Variants in ATP13A4 observed in about 807,000 individuals in gnomAD.
The protein encoded by ATP13A4 is ATPase 13A4.
A neutral mutation model predicts 142.5 loss-of-function variants in ATP13A4; 114 were observed. The ratio of observed to expected loss-of-function variants is 0.80; its 90% CI spans 0.69 to 0.93. The LOEUF (loss-of-function observed/expected upper bound fraction) is 0.93. Ranked by LOEUF, ATP13A4 falls within the 40% of genes least tolerant of loss-of-function variation. The pLI, the probability that ATP13A4 is intolerant of heterozygous loss-of-function variation, is 0.00. For synonymous variants in ATP13A4, 488 were observed against 514.8 expected (o/e 0.95, Z 0.70); for missense variants, 1,392 against 1,454.0 (o/e 0.96, Z 0.69).
intron 1 of ATP13A4, chr3:193,553,430 T>A (rs1314542513): frequency 6.6e-6 from 1 of 152,164 alleles, no homozygotes; most frequent in African/African-American, 2.4e-5. Context: ...AAAAAAATGT[T>A]TCAGAGGAAG....
intron 2 of ATP13A4, among the ~76,000 whole-genome samples, chr3:193,514,330 C>T (rs908096500): frequency 3.3e-5 from 5 of 152,076 alleles, no homozygotes; most frequent in Non-Finnish European, 7.4e-5. Context: ...TGACAACATG[C>T]GGTATTTGAT....
At chr3:193,513,649 G>C (rs538736388) in intron 2 of ATP13A4, among the ~76,000 whole-genome samples, 1 of 152,222 alleles carries the variant, frequency 6.6e-6, no homozygotes, top group Non-Finnish European at 1.5e-5. Flanking sequence ...AGTGCCATGA[G>C]TGCTGCAAGG....
rs147771433 is a variant in ATP13A4 at position 193,407,276 on chromosome 3, A to T, written c.3378+37T>A. 2.3e-4 allele frequency: 354 copies of T among 1,555,162 alleles called. No homozygotes were observed. The African/African-American group carries it at 4.4e-3, about 19-fold the overall frequency. On this transcript the variant is annotated intron_variant, in intron 29 of 29. Coordinates refer to ENST00000342695, the MANE Select transcript of ATP13A4 (RefSeq NM_032279.4). ...AGTCCCCCTACACACATGCGTGCAC[A>T]CACACAAGATCAGCAGCCCAAGATC...
chr3:193,583,381 C>A (rs1040624193), intron 1 of ATP13A4, among the ~76,000 whole-genome samples: 8 of 151,540 alleles, frequency 5.3e-5, no homozygotes. Flanking sequence ...TGCAGTGAGC[C>A]GAGATCATGC....
At chr3:193,456,372 G>T (rs1175405525) in intron 16 of ATP13A4, among the ~76,000 whole-genome samples, 1 of 152,158 alleles carries the variant, frequency 6.6e-6, no homozygotes, top group Non-Finnish European at 1.5e-5. Flanking sequence ...GTAAAGGAAG[G>T]ATTCTGGGGC....
At chr3:193,411,713 G>A (rs987705184) in intron 27 of ATP13A4, among the ~76,000 whole-genome samples, 1 of 152,148 alleles carries the variant, frequency 6.6e-6, no homozygotes, top group Non-Finnish European at 1.5e-5. Context: ...TACTCTGGCC[G>A]AGAGCCTCCA....
chr3:193,483,437 A>C (rs1473789599), intron 8 of ATP13A4, among the ~76,000 whole-genome samples: 1 of 152,136 alleles, frequency 6.6e-6, no homozygotes, highest in Non-Finnish European at 1.5e-5. Flanking sequence ...ATTCCACCCC[A>C]ATAAAGTAGT....
At chr3:193,476,750 C>T (rs1023322616) in intron 8 of ATP13A4, among the ~76,000 whole-genome samples, 3 of 151,840 alleles carry the variant, frequency 2.0e-5, no homozygotes, top group African/African-American at 7.3e-5. Flanking sequence ...ACTGTTGGGT[C>T]ACAGGGAGTA....
At chr3:193,467,790 T>G (rs1173711086) in intron 9 of ATP13A4, among the ~76,000 whole-genome samples, 1 of 152,062 alleles carries the variant, frequency 6.6e-6, no homozygotes, top group East Asian at 1.9e-4. Flanking sequence ...CCACAGGCTG[T>G]GCAGTCAAGA....
intron 26 of ATP13A4, among the ~76,000 whole-genome samples, chr3:193,414,028 T>C (rs1052189523): frequency 1.3e-5 from 2 of 152,290 alleles, no homozygotes; most frequent in Admixed American, 1.3e-4. Flanking sequence ...ATATGTGATG[T>C]CACCACGGAG....
intron 1 of ATP13A4, among the ~76,000 whole-genome samples, chr3:193,544,914 GC>G (rs1334046585): frequency 6.6e-6 from 1 of 152,114 alleles, no homozygotes; most frequent in African/African-American, 2.4e-5. Flanking sequence ...CTTCTTAGAT[GC>G]CAGATTTGGG....
chr3:193,581,521 C>T (rs909809063), intron 2 of ATP13A4, among the ~76,000 whole-genome samples: 8 of 152,112 alleles, frequency 5.3e-5, no homozygotes, highest in Non-Finnish European at 8.8e-5. Flanking sequence ...GTGATAACCA[C>T]GTGCCTAGAA....
At chr3:193,457,290 G>A (rs1352867928) in intron 15 of ATP13A4, 89 bp downstream of exon 15, 2 of 1,573,712 alleles carry the variant, frequency 1.3e-6, no homozygotes, top group Non-Finnish European at 1.7e-6. Flanking sequence ...GAAATTCAAA[G>A]ACACATCTGT....
In ATP13A4 at chr3:193,400,838, G is replaced by A. The variant is rs537948901; in HGVS notation, c.*1814C>T. Reference sequence around the variant, plus strand: ...CACAGACCATCTCTAGCTTGCCCCTGCCTACAACCCTCTACTTTTGGAAAA... The same window carrying A: ...CACAGACCATCTCTAGCTTGCCCCTACCTACAACCCTCTACTTTTGGAAAA... On this transcript the variant is annotated 3_prime_UTR_variant, in exon 30 of 30. Transcript: ENST00000342695. Among the ~76,000 whole-genome samples the A allele has an allele frequency of 3.3e-5, 5 of 152,294 alleles. No homozygotes were observed. The highest frequency in any genetic ancestry group is 1.3e-4 in the Admixed American group (2 of 15,306).
upstream of ATP13A4, among the ~76,000 whole-genome samples, chr3:193,558,884 G>A (rs968437506): frequency 4.6e-5 from 7 of 152,126 alleles, no homozygotes; most frequent in African/African-American, 1.4e-4. Context: ...GAATGGGAAC[G>A]GAAAATAAAA....
At chr3:193,517,923 T>C (rs1721515872) in intron 1 of ATP13A4, among the ~76,000 whole-genome samples, 1 of 152,360 alleles carries the variant, frequency 6.6e-6, no homozygotes, top group Middle Eastern at 3.4e-3. Flanking sequence ...TCCAAGTTAA[T>C]TTGACTTATA....
At chr3:193,504,020 T>TGTGTGTGTGTGTGA (rs1034644341) in intron 2 of ATP13A4, among the ~76,000 whole-genome samples, 1,707 of 144,246 alleles carry the variant, frequency 0.012, 32 homozygotes, top group African/African-American at 0.042. Flanking sequence ...TGTGTGTGTG[T>TGTGTGTGTGTGTGA]GAGAGAGAGA....
chr3:193,444,146 CT>C lies in ATP13A4; in HGVS notation c.2153-1591del, dbSNP rs60523146. ...CACAACCAGACATATAGTAATCAAA[CT>C]GCTAAAAATCAAAGATAAACAAAAA... On this transcript the variant is annotated intron_variant, in intron 18 of 29. Coordinates refer to ENST00000342695, the MANE Select transcript of ATP13A4 (RefSeq NM_032279.4). 2.0e-3 allele frequency among the ~76,000 whole-genome samples: 302 copies of C among 152,162 alleles called. 2 individuals are homozygous for C. The highest frequency in any genetic ancestry group is 7.1e-3 in the African/African-American group (294 of 41,552).
chr3:193,560,342 G>T (rs1723988393), intron 2 of ATP13A4, among the ~76,000 whole-genome samples: 2 of 151,824 alleles, frequency 1.3e-5, no homozygotes, highest in African/African-American at 4.8e-5. Flanking sequence ...TCAAGCAGTT[G>T]GGACTACAGG....
Sources: gnomAD v4.1 joint callset for allele counts (sites outside exome capture counted in the v4.1 genomes callset) on GRCh38, gnomAD v4.1.1 for gene constraint, MANE v1.5 for transcripts, NCBI Gene and HGNC (gene_info 2026-07-23, HGNC 2026-07-21) for gene names.